Variants in HECW2 observed in about 807,000 individuals in gnomAD.
HECW2 encodes E3 ubiquitin-protein ligase HECW2.
In HECW2, 61 loss-of-function variants were observed where a neutral mutation model predicts 175.2. The ratio of observed to expected loss-of-function variants is 0.35; its 90% confidence interval spans 0.28 to 0.43. The LOEUF (loss-of-function observed/expected upper bound fraction) is 0.43. Among genes scored for constraint, HECW2 ranks in the 20% least tolerant of loss-of-function variants. HECW2 has a pLI of 1.00. For synonymous variants in HECW2, 671 were observed against 731.0 expected (o/e 0.92, Z 1.32); for missense variants, 1,524 against 2,000.5 (o/e 0.76, Z 4.54).
chr2:196,289,230 A>C (rs1043912001), intron 14 of HECW2: 1 of 152,208 alleles, frequency 6.6e-6, no homozygotes, highest in Non-Finnish European at 1.5e-5. Flanking sequence ...GTTAAGAACC[A>C]TTTCCTTTCA....
chr2:196,213,475 A>G (rs1355520093), intron 28 of HECW2, among the ~76,000 whole-genome samples: 1 of 152,222 alleles, frequency 6.6e-6, no homozygotes, highest in East Asian at 1.9e-4. Flanking sequence ...CCTGGGTTAC[A>G]TAAGGTGACT....
At chr2:196,376,595 C>T (rs1027968192) in intron 2 of HECW2, among the ~76,000 whole-genome samples, 4 of 149,960 alleles carry the variant, frequency 2.7e-5, no homozygotes, top group Non-Finnish European at 5.9e-5. Flanking sequence ...CACGTCACAC[C>T]ACTGCACTCC....
chr2:196,363,988 T>C lies in HECW2; in HGVS notation c.293-20224A>G, dbSNP rs565056585. Reference sequence around the variant, plus strand: ...ATCCCCAGGCAGGAATAGAGTATCATCTTGAGCTCTTGACTACTTTCTAGT... The same window carrying C: ...ATCCCCAGGCAGGAATAGAGTATCACCTTGAGCTCTTGACTACTTTCTAGT... On this transcript the variant is annotated intron_variant, in intron 2 of 28. Transcript: ENST00000644978. Among the ~76,000 whole-genome samples the C allele has an allele frequency of 2.4e-4, 37 of 152,316 alleles. No homozygotes were observed. The South Asian group carries it at 6.8e-3, about 28-fold the overall frequency.
At chr2:196,439,394 G>C (rs1186653868) in intron 1 of HECW2, among the ~76,000 whole-genome samples, 1 of 152,154 alleles carries the variant, frequency 6.6e-6, no homozygotes, top group Non-Finnish European at 1.5e-5. Context: ...CCTGTACTTA[G>C]AAAAGAAGAA....
intron 2 of HECW2, among the ~76,000 whole-genome samples, chr2:196,377,124 C>A (rs541894327): frequency 3.3e-4 from 50 of 152,134 alleles, no homozygotes; most frequent in Non-Finnish European, 6.0e-4. Context: ...TTGGCCAAAG[C>A]TATCCGCTAG....
chr2:196,521,646 C>A (rs1207173456), intron 1 of HECW2, among the ~76,000 whole-genome samples: 5 of 132,696 alleles, frequency 3.8e-5, no homozygotes, highest in Non-Finnish European at 7.9e-5. Context: ...CCCCACCCCA[C>A]CACAGTCCCC....
At position 196,509,627 on chromosome 2, in the gene HECW2, A is replaced by G. The variant is rs572843503; in HGVS notation, c.-35-76169T>C. On this transcript the variant is annotated intron_variant, in intron 1 of 28. Coordinates refer to ENST00000644978, the MANE Select transcript of HECW2 (RefSeq NM_001348768.2). ...CATTGTATGTCAGGAAACAAGGACA[A>G]AGACCAAATATGAAACTCACAGTAT... 5.3e-5 allele frequency among the ~76,000 whole-genome samples: 8 copies of G among 152,350 alleles called. No homozygotes were observed. The East Asian group carries it at 1.5e-3, about 29-fold the overall frequency.
At chr2:196,288,885 G>T (rs144004430) in intron 14 of HECW2, 2 of 152,384 alleles carry the variant, frequency 1.3e-5, no homozygotes, top group Non-Finnish European at 2.9e-5. Context: ...GAGCTGGACT[G>T]CCTGGGTGCA....
intron 1 of HECW2, among the ~76,000 whole-genome samples, chr2:196,504,514 C>A (rs2125406865): frequency 6.6e-6 from 1 of 152,198 alleles, no homozygotes; most frequent in East Asian, 1.9e-4. Flanking sequence ...GAAATGAACT[C>A]TCCTTCCTCT....
chr2:196,443,280 C>G (rs975702139), intron 1 of HECW2, among the ~76,000 whole-genome samples: 1 of 151,990 alleles, frequency 6.6e-6, no homozygotes, highest in Non-Finnish European at 1.5e-5. Flanking sequence ...GAATGCTGGA[C>G]AAAGATAAAA....
rs960141106 is a variant in HECW2 at position 196,318,574 on chromosome 2, G to C, written c.2316C>G (p.Ala772=). ...EAQGTCEGAT[A]QEEGATGGSQ... ...TACCTCCAGTAGCGCCCTCCTCCTGGGCAGTTGCCCCTTCACAGGTGCCTT... is the reference window on the plus strand; with the variant it reads ...TACCTCCAGTAGCGCCCTCCTCCTGCGCAGTTGCCCCTTCACAGGTGCCTT... Residue 772 remains alanine (A), a synonymous_variant, in exon 9 of 29, where the codon GCC becomes GCG. Transcript: ENST00000644978. 2 of 1,524,526 alleles carry C rather than the reference G, an allele frequency of 1.3e-6. No individual in the cohort carries two copies. Among genetic ancestry groups the C allele is most frequent in the African/African-American group, 2.8e-5 (2 of 71,932 alleles). 94.4% of individuals were successfully genotyped at this position (1,524,526 alleles called of 1,614,324 possible). A position where few individuals can be genotyped will look rare whatever the true frequency, so the allele number is the denominator to read the frequency against.
intron 2 of HECW2, among the ~76,000 whole-genome samples, chr2:196,388,820 TAA>T (rs1694424953): frequency 6.6e-6 from 1 of 152,154 alleles, no homozygotes; most frequent in South Asian, 2.1e-4. Flanking sequence ...GTGAAAATGT[TAA>T]GATTATTAGA....
chr2:196,240,551 C>T lies in HECW2; in HGVS notation c.3662G>A (p.Arg1221Gln), dbSNP rs769718927. 12 of 1,606,516 alleles carry T rather than the reference C, an allele frequency of 7.5e-6. No individual in the cohort carries two copies. Among genetic ancestry groups the T allele is most frequent in the East Asian group, 2.2e-5 (1 of 44,614 alleles). The change falls in exon 21 of 29, where the codon CGA becomes CAA. Residue 1221 changes from arginine to glutamine, a missense_variant. This residue lies in a region of HECW2 where 291 missense variants were observed against 412.2 expected (regional missense o/e 0.71). Transcript: ENST00000644978. ...QGPGKLKLIIRRDHLLEDAFN... is the reference protein window; with the variant it reads ...QGPGKLKLIIQRDHLLEDAFN... The stretch of plus-strand genomic sequence containing the variant: ...AGCATCTTCTAGTAAGTGATCTCTT[C>T]GGATAATTAACCTGTCCATAAAGAG...
In HECW2 at chr2:196,306,487, C is replaced by T; in HGVS notation, c.2814+1G>A. 2 of 1,604,676 alleles carry T rather than the reference C, an allele frequency of 1.2e-6. No homozygotes were observed. The highest frequency in any genetic ancestry group is 1.7e-6 in the Non-Finnish European group (2 of 1,175,888). Reference sequence around the variant, plus strand: ...CACACTCTTTCAGATTCGCTACTCACAGGGTTAGAATGCAGCACGGTGAAG... The same window carrying T: ...CACACTCTTTCAGATTCGCTACTCATAGGGTTAGAATGCAGCACGGTGAAG... On this transcript the variant is annotated splice_donor_variant, in intron 13 of 28. Transcript: ENST00000644978. LOFTEE classifies it high-confidence loss of function.
At chr2:196,522,325 G>C (rs1307215519) in intron 1 of HECW2, among the ~76,000 whole-genome samples, 1 of 152,128 alleles carries the variant, frequency 6.6e-6, no homozygotes, top group South Asian at 2.1e-4. Context: ...TTTTTGATGG[G>C]GTTGTTTTTT....
At position 196,252,933 on chromosome 2, in the gene HECW2, C is replaced by T. The variant is rs1001836538; in HGVS notation, c.3529+987G>A. 2.0e-5 allele frequency among the ~76,000 whole-genome samples: 3 copies of T among 152,210 alleles called. No homozygotes were observed. In the East Asian group the frequency reaches 5.8e-4, roughly 29 times the overall value. ...CATTTCTTCATTACAGAACTAACTACAGAGCTTCACAGAGTTATTTGTTGA... is the reference window on the plus strand; with the variant it reads ...CATTTCTTCATTACAGAACTAACTATAGAGCTTCACAGAGTTATTTGTTGA... On this transcript the variant is annotated intron_variant, in intron 19 of 28. Coordinates refer to ENST00000644978, the MANE Select transcript of HECW2 (RefSeq NM_001348768.2).
intron 2 of HECW2, among the ~76,000 whole-genome samples, chr2:196,378,460 CAA>C (rs1016758996): frequency 3.3e-5 from 5 of 152,134 alleles, no homozygotes; most frequent in Non-Finnish European, 5.9e-5. Context: ...AGAATATTTT[CAA>C]AACCCTGCAA....
chr2:196,278,102 G>A (rs527842883), intron 15 of HECW2, among the ~76,000 whole-genome samples: 5 of 81,458 alleles, frequency 6.1e-5, no homozygotes, highest in African/African-American at 1.1e-4. Context: ...CATTGTGCAC[G>A]TGTACCCTAG....
intron 1 of HECW2, among the ~76,000 whole-genome samples, chr2:196,504,148 T>C (rs1019422869): frequency 2.0e-5 from 3 of 151,746 alleles, no homozygotes; most frequent in Non-Finnish European, 4.4e-5. Context: ...ATACAAAAAT[T>C]AGCCAGGCGT....
Sources: gnomAD v4.1 joint callset for allele counts (sites outside exome capture counted in the v4.1 genomes callset) on GRCh38, gnomAD v4.1.1 for gene constraint, gnomAD v4.1.1 regional missense constraint, MANE v1.5 for transcripts, NCBI Gene and HGNC (gene_info 2026-07-23, HGNC 2026-07-21) for gene names.